Variants in MARK4 observed in about 807,000 individuals in gnomAD.
MARK4 encodes the protein MAP/microtubule affinity-regulating kinase 4.
In MARK4, 19 loss-of-function variants were observed where a neutral mutation model predicts 81.5. That is an observed-to-expected ratio of 0.23 (90% CI 0.16 to 0.34). The LOEUF (loss-of-function observed/expected upper bound fraction) is 0.34, where lower values mean the gene tolerates loss of function less well. Ranked by LOEUF, MARK4 falls within the 10% of genes least tolerant of loss-of-function variation. MARK4 has a pLI of 1.00. For missense variants in MARK4, 772 were observed against 1,058.8 expected, an observed-to-expected ratio of 0.73 and a Z score of 3.76; for synonymous variants, 436 against 439.0, an observed-to-expected ratio of 0.99 and a Z score of 0.08.
intron 12 of MARK4, among the ~76,000 whole-genome samples, chr19:45,285,550 G>C (rs1378114899): frequency 2.0e-5 from 3 of 152,126 alleles, no homozygotes; most frequent in Admixed American, 6.6e-5. Context: ...ATTGCTGGAG[G>C]TCAAACCATT....
chr19:45,265,240 GGT>G (rs1431562866), intron 6 of MARK4, among the ~76,000 whole-genome samples: 1 of 152,156 alleles, frequency 6.6e-6, no homozygotes, highest in Non-Finnish European at 1.5e-5. Flanking sequence ...CAGGGTGCCA[GGT>G]GTGAGTGTGC....
rs1328035585 is a variant in MARK4 at position 45,271,593 on chromosome 19, C to T, written c.671C>T (p.Pro224Leu). ...TGCGGGAGCCCCCCATATGCCGCCC[C>T]GGAGCTGTTTCAGGGCAAGAAGTAC... ...TFCGSPPYAA[P>L]ELFQGKKYDG... Residue 224 changes from proline to leucine, a missense_variant, in exon 8 of 17, where the codon CCG becomes CTG. By Grantham distance (98) the Pro-to-Leu change is moderately conservative. Around this residue, in one of 3 missense-constraint regions of MARK4, gnomAD observed 109 missense variants for 294.7 expected, o/e 0.37. Coordinates refer to ENST00000262891, the MANE Select transcript of MARK4 (RefSeq NM_001199867.2). This position sits in a 1 kb window ranked among gnomAD's most constrained non-coding sequence, Gnocchi z 4.1. 1 of 1,614,248 alleles carries T rather than the reference C, an allele frequency of 6.2e-7. No individual in the cohort carries two copies. The highest frequency in any genetic ancestry group is 8.5e-7 in the Non-Finnish European group (1 of 1,180,050).
At chr19:45,252,295 C>G (rs1274778742) in intron 1 of MARK4, among the ~76,000 whole-genome samples, 1 of 152,104 alleles carries the variant, frequency 6.6e-6, no homozygotes, top group Non-Finnish European at 1.5e-5. Context: ...CAGCCCTGTC[C>G]CTAGATCCCA....
At chr19:45,269,904 A>G (rs1232357441) in intron 7 of MARK4, among the ~76,000 whole-genome samples, 3 of 152,076 alleles carry the variant, frequency 2.0e-5, no homozygotes, top group African/African-American at 7.2e-5. Flanking sequence ...CCCAGGCTGG[A>G]GTACAGTGAT....
intron 7 of MARK4, among the ~76,000 whole-genome samples, chr19:45,268,061 G>T (rs2123047405): frequency 6.6e-6 from 1 of 152,180 alleles, no homozygotes; most frequent in East Asian, 1.9e-4. Flanking sequence ...CTCCCAAAGT[G>T]CTGGGATTAC....
At chr19:45,258,751 G>T (rs1406154787) in intron 1 of MARK4, 3 of 535,250 alleles carry the variant, frequency 5.6e-6, no homozygotes, top group Non-Finnish European at 9.9e-6. Flanking sequence ...TGCAGTGAGG[G>T]TTGAAGAAGG....
intron 1 of MARK4, among the ~76,000 whole-genome samples, chr19:45,253,208 G>T (rs1229411936): frequency 1.4e-5 from 2 of 145,938 alleles, no homozygotes; most frequent in Non-Finnish European, 3.0e-5. Flanking sequence ...CACACCATCA[G>T]AGAGATTTAT....
chr19:45,302,863 T>C lies in MARK4; in HGVS notation c.*153T>C, dbSNP rs1286285342. The C allele has an allele frequency of 7.3e-6, 9 of 1,233,278 alleles. No homozygotes were observed. 76.4% of individuals were successfully genotyped at this position (1,233,278 alleles called of 1,614,324 possible). A position where few individuals can be genotyped will look rare whatever the true frequency, so the allele number is the denominator to read the frequency against. ...GCAAAGATTGTCCCCTCTGCTGTTC[T>C]CTGGGGCCGCTCAGCACAGAAGAAG... On this transcript the variant is annotated 3_prime_UTR_variant, in exon 17 of 17. Transcript: ENST00000262891. The surrounding 1 kb of genome is among the most constrained non-coding windows in gnomAD (Gnocchi z 4.9).
chr19:45,289,686 C>T (rs577419988), intron 13 of MARK4, among the ~76,000 whole-genome samples: 11 of 152,120 alleles, frequency 7.2e-5, no homozygotes, highest in Middle Eastern at 3.4e-3. Context: ...AGGAGAATTG[C>T]TTGAACCCAG....
chr19:45,268,493 A>G (rs1970484015), intron 7 of MARK4, among the ~76,000 whole-genome samples: 1 of 151,804 alleles, frequency 6.6e-6, no homozygotes, highest in African/African-American at 2.4e-5. Context: ...CTGAGACATG[A>G]GAATTGCTTG....
rs185882611 is a variant in MARK4 at position 45,294,286 on chromosome 19, G to A, written c.1495-63G>A. 5.0e-5 allele frequency: 75 copies of A among 1,490,100 alleles called. No homozygotes were observed. In the African/African-American group the frequency reaches 8.6e-4, roughly 17 times the overall value. The allele number at this position is 1,490,100 out of a possible 1,614,324, so 92.3% of individuals were successfully genotyped here. A position where few individuals can be genotyped will look rare whatever the true frequency, so the allele number is the denominator to read the frequency against. ...TCGATGGGGAGGGCAGAGAAGGGAA[G>A]AGGGAGAAGCTCAGGGGCATGTCTT... On this transcript the variant is annotated intron_variant, in intron 13 of 16. Coordinates refer to ENST00000262891, the MANE Select transcript of MARK4 (RefSeq NM_001199867.2).
chr19:45,257,383 C>CTTTTTTTT (rs35210904), intron 1 of MARK4, among the ~76,000 whole-genome samples: 1 of 124,384 alleles, frequency 8.0e-6, no homozygotes, highest in Non-Finnish European at 1.7e-5. Context: ...TTTTCTTTCT[C>CTTTTTTTT]TTTTTTTTTT....
intron 12 of MARK4, among the ~76,000 whole-genome samples, chr19:45,282,976 A>C (rs1218336529): frequency 6.6e-6 from 1 of 151,984 alleles, no homozygotes; most frequent in Admixed American, 6.6e-5. Flanking sequence ...TGGGTTACAG[A>C]GCGAGACCTC....
rs1185508498 is a variant in MARK4 at position 45,303,210 on chromosome 19, AT to A, written c.*501del. On this transcript the variant is annotated 3_prime_UTR_variant, in exon 17 of 17. Transcript: ENST00000262891. ...GGCTGGCGCGGGGCACTTTGTACAAATCCTTGTAAATACCCCACACCCTCCC... is the reference window on the plus strand; with the variant it reads ...GGCTGGCGCGGGGCACTTTGTACAAACCTTGTAAATACCCCACACCCTCCC... 5.9e-6 allele frequency: 1 copy of A among 169,522 alleles called. No individual in the cohort carries two copies. Among genetic ancestry groups the A allele is most frequent in the Non-Finnish European group, 1.3e-5 (1 of 78,762 alleles). 10.5% of individuals were successfully genotyped at this position (169,522 alleles called of 1,614,324 possible). A position where few individuals can be genotyped will look rare whatever the true frequency, so the allele number is the denominator to read the frequency against.
At chr19:45,252,021 AC>A (rs1198398220) in intron 1 of MARK4, among the ~76,000 whole-genome samples, 1 of 147,806 alleles carries the variant, frequency 6.8e-6, no homozygotes, top group Non-Finnish European at 1.5e-5. Context: ...AGGGCCCCTG[AC>A]CCCCCAAGGC....
chr19:45,266,730 C>CT (rs35618045), intron 7 of MARK4, among the ~76,000 whole-genome samples: 26,599 of 124,234 alleles, frequency 0.21, 3,651 homozygotes, highest in Non-Finnish European at 0.26. Context: ...AATCTGAGAA[C>CT]TTTTTTTTTT....
intron 15 of MARK4, among the ~76,000 whole-genome samples, chr19:45,299,579 C>T (rs1373554104): frequency 1.3e-5 from 2 of 152,208 alleles, no homozygotes; most frequent in African/African-American, 4.8e-5. Flanking sequence ...CCACTCCCCT[C>T]CCTTTCATCT....
chr19:45,292,635 G>A (rs999894739), intron 13 of MARK4, among the ~76,000 whole-genome samples: 3 of 152,020 alleles, frequency 2.0e-5, no homozygotes, highest in Non-Finnish European at 2.9e-5. Context: ...CCAGCAGTTC[G>A]GGAGGCTGAG....
At chr19:45,300,207 T>C (rs1346019473) in intron 16 of MARK4, among the ~76,000 whole-genome samples, 1 of 151,618 alleles carries the variant, frequency 6.6e-6, no homozygotes, top group African/African-American at 2.4e-5. Context: ...TAGCCGGGCG[T>C]AGTGGCGCAT....
Sources: allele counts gnomAD v4.1 joint callset (sites outside exome capture counted in the v4.1 genomes callset), GRCh38; gene constraint gnomAD v4.1.1; regional missense constraint gnomAD v4.1.1; non-coding constraint Gnocchi (gnomAD v3.1); transcripts MANE v1.5; gene names NCBI Gene and HGNC (gene_info 2026-07-23, HGNC 2026-07-21).